Variants in HPS4 observed in about 807,000 individuals in gnomAD.
HPS4 encodes the protein HPS4 biogenesis of lysosomal organelles complex 3 subunit 2.
In HPS4, 44 loss-of-function variants were observed where a neutral mutation model predicts 70.3. That is an observed-to-expected ratio of 0.63 (90% confidence interval 0.49 to 0.80). The LOEUF is 0.80. Ranked by LOEUF, HPS4 falls within the 30% of genes least tolerant of loss-of-function variation. The pLI, the probability that HPS4 is intolerant of heterozygous loss-of-function variation, is 0.00. For missense variants in HPS4, 873 were observed against 884.4 expected (o/e 0.99, Z 0.16); for synonymous variants, 377 against 355.9 (o/e 1.06, Z -0.67).
At chr22:26,445,677 C>T (rs16982107) in intron 3 of HPS4, among the ~76,000 whole-genome samples, 8,989 of 152,252 alleles carry the variant, frequency 0.059, 299 homozygotes, top group African/African-American at 0.078. Context: ...GTATCTGGCA[C>T]ATGAAGGGCA....
In HPS4 at chr22:26,463,373, C is replaced by T. The variant is rs368499753; in HGVS notation, c.1713+544G>A. Among the ~76,000 whole-genome samples, 83 of 152,282 alleles carry T rather than the reference C, an allele frequency of 5.5e-4. No homozygotes were observed. In the South Asian group the frequency reaches 6.6e-3, roughly 12 times the overall value. Reference sequence around the variant, plus strand: ...TCCCAACCCAGGCTGTGACACACTGCGGAGGAGTTTCCAGCTGACACAGAA... The same window carrying T: ...TCCCAACCCAGGCTGTGACACACTGTGGAGGAGTTTCCAGCTGACACAGAA... On this transcript the variant is annotated intron_variant, in intron 11 of 13. Transcript: ENST00000398145.
chr22:26,483,856 C>G, upstream of HPS4: 1 of 1,323,654 alleles, frequency 7.6e-7, no homozygotes, highest in Non-Finnish European at 9.6e-7. Flanking sequence ...CGATGACGTG[C>G]CGAGTGCGCC....
rs764344335 is a variant in HPS4, at chr22:26,453,380, G to A, written c.1980C>T (p.Ala660=). Residue 660 remains alanine, a synonymous_variant, in exon 14 of 14, where the codon GCC becomes GCT. Coordinates refer to ENST00000398145, the MANE Select transcript of HPS4 (RefSeq NM_022081.6). The part of the protein sequence containing the change: ...TVRNASTAVY[A]CCNPIQETYF... ...ATGTCTCCTGGATGGGGTTGCAACA[G>A]GCGTACACAGCCGTGGAGGCATTTC... is the stretch of plus-strand genomic sequence containing the variant. 77 of 1,614,056 alleles carry A rather than the reference G, an allele frequency of 4.8e-5. No homozygotes were observed. Among genetic ancestry groups the A allele is most frequent in the Non-Finnish European group, 6.4e-5 (76 of 1,180,054 alleles).
At chr22:26,471,542 A>G (rs1285629500) in intron 6 of HPS4, among the ~76,000 whole-genome samples, 1 of 152,202 alleles carries the variant, frequency 6.6e-6, no homozygotes, top group Admixed American at 6.5e-5. Context: ...TGACACATTA[A>G]GAAGTTTATT....
downstream of HPS4, among the ~76,000 whole-genome samples, chr22:26,446,310 C>A (rs1361478045): frequency 2.0e-5 from 3 of 152,206 alleles, no homozygotes; most frequent in African/African-American, 7.2e-5. Flanking sequence ...TGTTCATCAG[C>A]CCCTAGAGTC....
chr22:26,447,398 A>G (rs1014454700), downstream of HPS4, among the ~76,000 whole-genome samples: 1 of 152,202 alleles, frequency 6.6e-6, no homozygotes, highest in African/African-American at 2.4e-5. Context: ...ACATGAGCCA[A>G]TAAGTGCGCC....
At chr22:26,456,562 G>GGCAGAA (rs1178857068) in intron 13 of HPS4, among the ~76,000 whole-genome samples, 1 of 152,206 alleles carries the variant, frequency 6.6e-6, no homozygotes, top group African/African-American at 2.4e-5. Context: ...AGGAGGCTGA[G>GGCAGAA]GCAGAAGAAT....
At chr22:26,472,445 T>C in intron 5 of HPS4, 27 bp from the exon 6 acceptor site, 1 of 1,371,300 alleles carries the variant, frequency 7.3e-7, no homozygotes, top group South Asian at 1.2e-5. Flanking sequence ...CTCAGGTCAA[T>C]ATCTGAGATT....
chr22:26,483,688 A>C lies in HPS4; in HGVS notation c.-493T>G. On this transcript the variant is annotated 5_prime_UTR_variant, in exon 1 of 14. The change abolishes an upstream ATG in the 5' untranslated region. Coordinates refer to ENST00000398145, the MANE Select transcript of HPS4 (RefSeq NM_022081.6). ...CGCCCACCCACCGGAGTAGCCAGGC[A>C]TCCCAGTGCTCGGGGTTCGGGACTC... 1 of 387,574 alleles carries C rather than the reference A, an allele frequency of 2.6e-6. No individual in the cohort carries two copies. The highest frequency in any genetic ancestry group is 4.5e-6 in the Non-Finnish European group (1 of 221,804). The allele number at this position is 387,574 out of a possible 1,614,324, so 24.0% of individuals were successfully genotyped here.
In HPS4 at chr22:26,466,213, CCTCA is replaced by C; in HGVS notation, c.706+9_706+12del. The C allele has an allele frequency of 6.2e-7, 1 of 1,614,144 alleles. No individual in the cohort carries two copies. Among genetic ancestry groups the C allele is most frequent in the South Asian group, 1.1e-5 (1 of 91,088 alleles). On this transcript the variant is annotated intron_variant, in intron 9 of 13. Transcript: ENST00000398145. ...GCCGTTCTCAAGAGGCAACCATGCGCCTCACTACTTACCATGTTCCTGCGGGGCA... is the reference window on the plus strand; with the variant it reads ...GCCGTTCTCAAGAGGCAACCATGCGCCTACTTACCATGTTCCTGCGGGGCA...
At chr22:26,470,887 T>C (rs750118819) in intron 6 of HPS4, 74 bp from the exon 7 acceptor site, 26 of 1,592,732 alleles carry the variant, frequency 1.6e-5, no homozygotes, top group Middle Eastern at 1.7e-4. Flanking sequence ...GGGGAAAGGG[T>C]TGTACAGAAC....
chr22:26,455,483 C>CA (rs1209593124), intron 13 of HPS4, among the ~76,000 whole-genome samples: 1 of 148,046 alleles, frequency 6.8e-6, no homozygotes, highest in Non-Finnish European at 1.5e-5. Flanking sequence ...ATTGCAAGGA[C>CA]AAAAAACCAA....
At chr22:26,465,986 C>T in intron 9 of HPS4, 1 of 1,337,144 alleles carries the variant, frequency 7.5e-7, no homozygotes, top group Non-Finnish European at 1.0e-6. Context: ...AGCAGTCTCA[C>T]AATATGAAGT....
intron 11 of HPS4, among the ~76,000 whole-genome samples, chr22:26,460,880 T>C (rs970654932): frequency 6.6e-6 from 1 of 152,264 alleles, no homozygotes; most frequent in African/African-American, 2.4e-5. Flanking sequence ...CAATTCCATG[T>C]CCATAAATAA....
intron 3 of HPS4, among the ~76,000 whole-genome samples, chr22:26,445,411 C>T (rs129845): frequency 1 from 151,660 of 152,332 alleles, 75,499 homozygotes; most frequent in Middle Eastern, 1. Context: ...CAGAGACAGG[C>T]GGGTCACTAG....
chr22:26,458,871 C>A (rs1308260510), intron 11 of HPS4, among the ~76,000 whole-genome samples: 3 of 150,956 alleles, frequency 2.0e-5, no homozygotes, highest in African/African-American at 7.3e-5. Context: ...CCTACTTGAT[C>A]CAGCAAAATG....
At chr22:26,443,348 T>C (rs1568986347), downstream of HPS4, 2 of 662,926 alleles carry the variant, frequency 3.0e-6, no homozygotes, top group South Asian at 1.8e-5. Context: ...TTTTATATCA[T>C]GTCGGGTCCC....
intron 11 of HPS4, 55 bp from the exon 12 acceptor site, chr22:26,458,632 G>A: frequency 6.2e-7 from 1 of 1,606,294 alleles, no homozygotes. Context: ...CAAGCCTTCT[G>A]AGGGCTAGTT....
intron 9 of HPS4, 96 bp downstream of exon 9, chr22:26,466,130 T>G (rs1195108122): frequency 1.2e-6 from 2 of 1,612,312 alleles, no homozygotes; most frequent in Non-Finnish European, 1.7e-6. Context: ...GAAATAAACA[T>G]GCAGATGGCT....
Sources: allele counts gnomAD v4.1 joint callset (sites outside exome capture counted in the v4.1 genomes callset), GRCh38; gene constraint gnomAD v4.1.1; transcripts MANE v1.5; gene names NCBI Gene and HGNC (gene_info 2026-07-23, HGNC 2026-07-21).